ETS1: variants seen among roughly 807,000 people sequenced by gnomAD.
ETS1 encodes protein C-ets-1.
Under a neutral mutation model 58.6 loss-of-function variants are expected in ETS1, and 15 were observed. The observed-to-expected ratio is 0.26, with a 90% CI of 0.17 to 0.39. The LOEUF is 0.39. Ranked by LOEUF, ETS1 falls within the 10% of genes least tolerant of loss-of-function variation. The probability of loss-of-function intolerance (pLI) is 1.00; values close to 1 mark genes in which losing one functional copy is unlikely to be tolerated. For missense variants in ETS1, 417 were observed against 610.5 expected, an observed-to-expected ratio of 0.68 and a Z score of 3.34; for synonymous variants, 214 against 218.2, an observed-to-expected ratio of 0.98 and a Z score of 0.17.
chr11:128,518,411 T>C (rs1004219579), intron 3 of ETS1, among the ~76,000 whole-genome samples: 2 of 152,238 alleles, frequency 1.3e-5, no homozygotes, highest in Non-Finnish European at 2.9e-5. Flanking sequence ...AACTGCTAAA[T>C]AGTATTTATT....
At chr11:128,490,430 A>C in intron 4 of ETS1, 27 bp downstream of exon 4, 1 of 1,612,550 alleles carries the variant, frequency 6.2e-7, no homozygotes, top group South Asian at 1.1e-5. Flanking sequence ...GACCCCAACC[A>C]CTCTTTTTCC....
At chr11:128,550,823 A>G (rs1864217517) in intron 3 of ETS1, among the ~76,000 whole-genome samples, 1 of 152,254 alleles carries the variant, frequency 6.6e-6, no homozygotes, top group South Asian at 2.1e-4. Context: ...GTCTTGTCCT[A>G]GAAAATAGTT....
chr11:128,499,183 G>T (rs1289775596), intron 3 of ETS1, among the ~76,000 whole-genome samples: 1 of 152,198 alleles, frequency 6.6e-6, no homozygotes, highest in African/African-American at 2.4e-5. Flanking sequence ...GAAGACAATG[G>T]AGAATATCTG....
intron 2 of ETS1, among the ~76,000 whole-genome samples, chr11:128,558,472 C>G (rs943848220): frequency 1.3e-5 from 2 of 152,108 alleles, no homozygotes; most frequent in African/African-American, 4.8e-5. Context: ...TGGTGAAACC[C>G]TGTCTCTACT....
intron 3 of ETS1, among the ~76,000 whole-genome samples, chr11:128,525,227 T>C (rs144843560): frequency 2.6e-4 from 39 of 151,650 alleles, no homozygotes; most frequent in African/African-American, 7.8e-4. Flanking sequence ...TCCGCAGGAG[T>C]TGGGGAACAG....
At chr11:128,503,120 G>A (rs560033821) in intron 3 of ETS1, among the ~76,000 whole-genome samples, 1 of 152,090 alleles carries the variant, frequency 6.6e-6, no homozygotes, top group African/African-American at 2.4e-5. Context: ...TTCCCACCTT[G>A]TTCCTGGAAA....
At chr11:128,553,354 T>G (rs991522102) in intron 3 of ETS1, among the ~76,000 whole-genome samples, 6 of 152,224 alleles carry the variant, frequency 3.9e-5, no homozygotes, top group Non-Finnish European at 8.8e-5. Context: ...ATAGCTAATG[T>G]CCTCAGATTC....
At chr11:128,478,601 G>A (rs934531668) in intron 8 of ETS1, among the ~76,000 whole-genome samples, 8 of 152,066 alleles carry the variant, frequency 5.3e-5, no homozygotes, top group Admixed American at 6.6e-5. Flanking sequence ...TAGAGATAAT[G>A]TCTACCTCCC....
intron 3 of ETS1, among the ~76,000 whole-genome samples, chr11:128,518,592 CA>C (rs1863584352): frequency 2.0e-5 from 3 of 152,220 alleles, no homozygotes; most frequent in Admixed American, 2.0e-4. Flanking sequence ...AGCTGAGATT[CA>C]AATCCAGACA....
At chr11:128,546,636 G>A (rs1256901866) in intron 3 of ETS1, among the ~76,000 whole-genome samples, 1 of 152,154 alleles carries the variant, frequency 6.6e-6, no homozygotes, top group Non-Finnish European at 1.5e-5. Context: ...GTTCAGTACG[G>A]ATGCAAATAT....
In ETS1 at chr11:128,466,901, A is replaced by G. The variant is rs927188815; in HGVS notation, c.1124-3274T>C. ...GCTTCATAATAGGACAGTCAACATA[A>G]CAGAGATGTCAGTTCCTGGCTCCCT... On this transcript the variant is annotated intron_variant, in intron 8 of 9. Coordinates refer to ENST00000392668, the MANE Select transcript of ETS1 (RefSeq NM_001143820.2). 9.2e-5 allele frequency among the ~76,000 whole-genome samples: 14 copies of G among 152,206 alleles called. 1 individual carries two copies. Among genetic ancestry groups the G allele is most frequent in the Admixed American group, 9.2e-4 (14 of 15,284 alleles).
At chr11:128,512,685 A>C (rs1863422371) in intron 3 of ETS1, among the ~76,000 whole-genome samples, 1 of 152,262 alleles carries the variant, frequency 6.6e-6, no homozygotes, top group Non-Finnish European at 1.5e-5. Context: ...GTGGGCACCC[A>C]AAGCACGCAG....
At chr11:128,506,104 C>T (rs1565386616) in intron 3 of ETS1, among the ~76,000 whole-genome samples, 1 of 152,146 alleles carries the variant, frequency 6.6e-6, no homozygotes, top group African/African-American at 2.4e-5. Flanking sequence ...CCTCACATCC[C>T]AGCTGGACAG....
At chr11:128,470,385 CT>C (rs1348085222) in intron 8 of ETS1, among the ~76,000 whole-genome samples, 3 of 152,196 alleles carry the variant, frequency 2.0e-5, no homozygotes, top group Non-Finnish European at 4.4e-5. Flanking sequence ...GATATCAGTT[CT>C]TACCTGAATC....
At chr11:128,562,006 C>CT (rs1864412154) in intron 2 of ETS1, among the ~76,000 whole-genome samples, 2 of 152,178 alleles carry the variant, frequency 1.3e-5, no homozygotes, top group African/African-American at 4.8e-5. Context: ...CAAAGAAGTA[C>CT]TGGTTGAAGA....
chr11:128,517,431 G>T (rs545486624), intron 3 of ETS1, among the ~76,000 whole-genome samples: 1 of 152,376 alleles, frequency 6.6e-6, no homozygotes, highest in South Asian at 2.1e-4. Flanking sequence ...TCTGAAAAAT[G>T]GAGAAAATAA....
At chr11:128,487,671 G>A (rs1208692510) in intron 5 of ETS1, among the ~76,000 whole-genome samples, 3 of 152,232 alleles carry the variant, frequency 2.0e-5, no homozygotes, top group African/African-American at 7.2e-5. Context: ...CCTAGGAGGC[G>A]AAGGTTGCAG....
chr11:128,572,427 C>T (rs1401993755), intron 2 of ETS1: 1 of 152,114 alleles, frequency 6.6e-6, no homozygotes, highest in Non-Finnish European at 1.5e-5. Flanking sequence ...TCTTTTAATA[C>T]TGGAACTGAT....
At chr11:128,480,632 G>T (rs551550718) in intron 7 of ETS1, among the ~76,000 whole-genome samples, 181 bp from the exon 8 acceptor site, 6 of 152,136 alleles carry the variant, frequency 3.9e-5, no homozygotes, top group Non-Finnish European at 7.3e-5. Context: ...TGAGGAAAGG[G>T]GCTGCACTAG....
Sources: gnomAD v4.1 joint callset for allele counts (sites outside exome capture counted in the v4.1 genomes callset) on GRCh38, gnomAD v4.1.1 for gene constraint, MANE v1.5 for transcripts, NCBI Gene and HGNC (gene_info 2026-07-23, HGNC 2026-07-21) for gene names.